The following SGCD variants were observed in gnomAD, a reference collection of about 807,000 sequenced individuals.
The protein encoded by SGCD is delta-sarcoglycan.
SGCD carries 18 observed loss-of-function variants against 36.6 expected under a neutral mutation model. The observed-to-expected ratio is 0.49, with a 90% CI of 0.34 to 0.73. The LOEUF is 0.73. Among genes scored for constraint, SGCD ranks in the 30% least tolerant of loss-of-function variants. The pLI, the probability that SGCD is intolerant of heterozygous loss-of-function variation, is 0.01. For missense variants in SGCD, 387 were observed against 346.7 expected, an observed-to-expected ratio of 1.12 and a Z score of -0.92; for synonymous variants, 133 against 130.6, an observed-to-expected ratio of 1.02 and a Z score of -0.12.
chr5:156,623,356 T>A (rs1269680796), intron 6 of SGCD, among the ~76,000 whole-genome samples: 1 of 152,164 alleles, frequency 6.6e-6, no homozygotes, highest in Non-Finnish European at 1.5e-5. Flanking sequence ...GTTGGACAGA[T>A]CCAGAATCAT....
intron 3 of SGCD, among the ~76,000 whole-genome samples, chr5:156,282,108 G>A (rs551909961): frequency 3.9e-5 from 6 of 151,922 alleles, no homozygotes; most frequent in Non-Finnish European, 7.4e-5. Flanking sequence ...GATTCATGTC[G>A]ACTCCCTAAC....
intron 1 of SGCD, among the ~76,000 whole-genome samples, chr5:156,067,864 C>G (rs1431405986): frequency 4.2e-5 from 6 of 142,004 alleles, no homozygotes; most frequent in Admixed American, 3.4e-4. Flanking sequence ...GAGATGAACC[C>G]GGTACCTCAG....
intron 1 of SGCD, among the ~76,000 whole-genome samples, chr5:155,915,193 C>G (rs1756710875): frequency 6.6e-6 from 1 of 152,130 alleles, no homozygotes; most frequent in South Asian, 2.1e-4. Flanking sequence ...TACAAGGACA[C>G]TTTTGAGACA....
chr5:156,458,451 C>T, intron 3 of SGCD: 4 of 1,610,562 alleles, frequency 2.5e-6, no homozygotes, highest in East Asian at 2.2e-5. Flanking sequence ...CCCTGATTCC[C>T]ATCCCCATGG....
chr5:156,000,769 TATTCA>T (rs1359415938), intron 1 of SGCD, among the ~76,000 whole-genome samples: 1 of 151,542 alleles, frequency 6.6e-6, no homozygotes, highest in Non-Finnish European at 1.5e-5. Context: ...CTCAAGGGCT[TATTCA>T]AACACATATT....
chr5:156,731,631 C>T (rs991391312), intron 7 of SGCD, among the ~76,000 whole-genome samples: 5 of 151,534 alleles, frequency 3.3e-5, no homozygotes, highest in Non-Finnish European at 7.4e-5. Flanking sequence ...CTGCCTCCAG[C>T]TTTGTTCTTT....
chr5:156,078,579 T>TA (rs1760861708), intron 1 of SGCD, among the ~76,000 whole-genome samples: 3 of 136,680 alleles, frequency 2.2e-5, no homozygotes, highest in East Asian at 2.0e-4. Flanking sequence ...ATATTTATAT[T>TA]TATATATATT....
intron 3 of SGCD, among the ~76,000 whole-genome samples, chr5:156,199,170 A>G (rs1764086995): frequency 1.3e-5 from 2 of 152,088 alleles, no homozygotes; most frequent in South Asian, 4.1e-4. Context: ...GTCTTTAAAG[A>G]TTTCTCAACA....
At chr5:156,698,685 C>T (rs530343863) in intron 7 of SGCD, among the ~76,000 whole-genome samples, 5 of 152,182 alleles carry the variant, frequency 3.3e-5, no homozygotes, top group Admixed American at 6.5e-5. Context: ...AAGTGCACAG[C>T]TCTGGAGACA....
At chr5:155,938,754 T>C (rs1363975393) in intron 1 of SGCD, among the ~76,000 whole-genome samples, 1 of 152,236 alleles carries the variant, frequency 6.6e-6, no homozygotes, top group African/African-American at 2.4e-5. Flanking sequence ...GTCCTTTACA[T>C]GTCTATGCAC....
At chr5:156,190,009 A>G (rs1044333170) in intron 3 of SGCD, among the ~76,000 whole-genome samples, 1 of 152,134 alleles carries the variant, frequency 6.6e-6, no homozygotes, top group Non-Finnish European at 1.5e-5. Flanking sequence ...GGATAAACCT[A>G]TCTCTGGTTG....
At chr5:156,398,576 G>A (rs553692305) in intron 3 of SGCD, among the ~76,000 whole-genome samples, 1 of 152,290 alleles carries the variant, frequency 6.6e-6, no homozygotes, top group African/African-American at 2.4e-5. Context: ...ATGTGGAGTT[G>A]TTGCTGGCAG....
At chr5:156,448,119 A>G (rs533595745) in intron 3 of SGCD, among the ~76,000 whole-genome samples, 11 of 152,198 alleles carry the variant, frequency 7.2e-5, no homozygotes, top group Non-Finnish European at 1.3e-4. Flanking sequence ...TCCTCCTCTC[A>G]AGTCACCTTT....
intron 3 of SGCD, among the ~76,000 whole-genome samples, chr5:156,203,394 G>A (rs1297742400): frequency 1.3e-5 from 2 of 152,136 alleles, no homozygotes; most frequent in Non-Finnish European, 2.9e-5. Context: ...TTCCTATGTA[G>A]TTCGATATTT....
chr5:155,985,243 C>T (rs182596022), intron 1 of SGCD, among the ~76,000 whole-genome samples: 1 of 152,270 alleles, frequency 6.6e-6, no homozygotes, highest in African/African-American at 2.4e-5. Flanking sequence ...AATCAAGGTG[C>T]TGGCAGGCCT....
intron 3 of SGCD, among the ~76,000 whole-genome samples, chr5:156,131,315 A>G (rs756186849): frequency 8.1e-4 from 123 of 152,206 alleles, no homozygotes; most frequent in Non-Finnish European, 8.2e-4. Flanking sequence ...GTGTATGACC[A>G]ATGACAAGTC....
chr5:156,060,377 T>G (rs1760173904), intron 1 of SGCD, among the ~76,000 whole-genome samples: 4 of 146,402 alleles, frequency 2.7e-5, no homozygotes, highest in Non-Finnish European at 1.5e-5. Flanking sequence ...GGAATTGGTT[T>G]TCTGGATGAT....
At chr5:156,377,073 GA>G (rs149071017) in intron 3 of SGCD, among the ~76,000 whole-genome samples, 5 of 151,496 alleles carry the variant, frequency 3.3e-5, no homozygotes, top group Admixed American at 2.6e-4. Context: ...ACATTACAGA[GA>G]AAAAAAAGTC....
At chr5:155,933,999 C>T (rs1757148193) in intron 1 of SGCD, among the ~76,000 whole-genome samples, 1 of 152,100 alleles carries the variant, frequency 6.6e-6, no homozygotes, top group Non-Finnish European at 1.5e-5. Context: ...TAGGACACTG[C>T]CATGTGGGAG....
Sources: gnomAD v4.1 joint callset for allele counts (sites outside exome capture counted in the v4.1 genomes callset) on GRCh38, gnomAD v4.1.1 for gene constraint, MANE v1.5 for transcripts, NCBI Gene and HGNC (gene_info 2026-07-23, HGNC 2026-07-21) for gene names.